Variants in BTNL8 observed in about 807,000 individuals in gnomAD.
The protein encoded by BTNL8 is butyrophilin like 8.
In BTNL8, 22 loss-of-function variants were observed where a neutral mutation model predicts 36.1. That is an observed-to-expected ratio of 0.61 (90% CI 0.44 to 0.87). The LOEUF (loss-of-function observed/expected upper bound fraction) is 0.87. Ranked by LOEUF, BTNL8 falls within the 40% of genes least tolerant of loss-of-function variation. The probability of loss-of-function intolerance (pLI) is 0.00; values close to 1 mark genes in which losing one functional copy is unlikely to be tolerated. For synonymous variants in BTNL8, 203 were observed against 235.6 expected, an observed-to-expected ratio of 0.86 and a Z score of 1.27; for missense variants, 526 against 616.9, an observed-to-expected ratio of 0.85 and a Z score of 1.56.
chr5:180,910,470 C>T (rs1024210966), intron 2 of BTNL8, among the ~76,000 whole-genome samples: 1 of 152,132 alleles, frequency 6.6e-6, no homozygotes, highest in African/African-American at 2.4e-5. Context: ...ATCAAATATC[C>T]CAGCTGACAA....
rs1214487792 is a variant in BTNL8, at chr5:180,949,908, G to C, written c.867G>C (p.Glu289Asp). Residue 289 changes from glutamate to aspartate, a missense_variant, in exon 8 of 8, where the codon GAG becomes GAC. Physicochemically the swap from Glu to Asp is conservative, Grantham distance 45 (BLOSUM62 2). Coordinates refer to ENST00000340184, the MANE Select transcript of BTNL8 (RefSeq NM_001040462.3). The stretch of plus-strand genomic sequence containing the variant: ...CTCTCCCCCACCGCACCCCAGTGGA[G>C]GTGACTCTGGATCCAGAGACGGCTC... ...ELRDARKHAV[E>D]VTLDPETAHP... 1 of 1,456,742 alleles carries C rather than the reference G, an allele frequency of 6.9e-7. No homozygotes were observed. The highest frequency in any genetic ancestry group is 9.5e-7 in the Non-Finnish European group (1 of 1,055,916). 90.2% of individuals were successfully genotyped at this position (1,456,742 alleles called of 1,614,324 possible).
At chr5:180,940,360 A>C (rs951605242) in intron 3 of BTNL8, among the ~76,000 whole-genome samples, 1 of 151,210 alleles carries the variant, frequency 6.6e-6, no homozygotes, top group African/African-American at 2.4e-5. Flanking sequence ...AAAAAAAAAG[A>C]AACACAAGAT....
rs543139738 is a variant in BTNL8, at chr5:180,916,025, C to T, written c.673+4411C>T. Among the ~76,000 whole-genome samples, 24 of 152,266 alleles carry T rather than the reference C, an allele frequency of 1.6e-4. No homozygotes were observed. In the South Asian group the frequency reaches 2.1e-3, roughly 13 times the overall value. ...AACAGAGGTTTATTTGGCTCATGGT[C>T]GTGGAGGCTGGGAAGTCTAAGATCA... On this transcript the variant is annotated intron_variant, in intron 3 of 7. Transcript: ENST00000340184.
chr5:180,924,347 C>T (rs1758000603), intron 3 of BTNL8, among the ~76,000 whole-genome samples: 1 of 152,224 alleles, frequency 6.6e-6, no homozygotes, highest in Non-Finnish European at 1.5e-5. Context: ...TCTGGCCCTG[C>T]CCACCCTGAG....
chr5:180,903,890 GT>G (rs1262439736), intron 1 of BTNL8, among the ~76,000 whole-genome samples: 1 of 132,782 alleles, frequency 7.5e-6, no homozygotes, highest in Non-Finnish European at 1.6e-5. Context: ...CTATATCTCT[GT>G]TTTGGTACCA....
Position 180,899,325 on chromosome 5 carries a change from C to T in BTNL8, c.15C>T (p.Leu5=). The change falls in exon 1 of 8, where the codon CTC becomes CTT. Residue 5 remains leucine (L), a synonymous_variant. Transcript: ENST00000340184. The stretch of plus-strand genomic sequence containing the variant: ...AGAACACATCCATGGCTCTCATGCT[C>T]AGTTTGGTTCTGAGTCTCCTCAAGC... MALM[L]SLVLSLLKLG... 2 of 1,614,212 alleles carry T rather than the reference C, an allele frequency of 1.2e-6. No homozygotes were observed. Among genetic ancestry groups the T allele is most frequent in the African/African-American group, 2.7e-5 (2 of 75,054 alleles).
intron 3 of BTNL8, among the ~76,000 whole-genome samples, chr5:180,918,415 T>G (rs1056874508): frequency 2.6e-5 from 4 of 152,234 alleles, no homozygotes; most frequent in Non-Finnish European, 5.9e-5. Flanking sequence ...AAATAATGTA[T>G]AATTATGTTA....
intron 3 of BTNL8, among the ~76,000 whole-genome samples, chr5:180,929,395 A>G (rs984770992): frequency 2.6e-5 from 4 of 152,024 alleles, no homozygotes; most frequent in African/African-American, 9.7e-5. Context: ...AACATCACAA[A>G]TAAAAGAACT....
chr5:180,943,009 A>T (rs1433638183), intron 3 of BTNL8, among the ~76,000 whole-genome samples: 1 of 152,118 alleles, frequency 6.6e-6, no homozygotes, highest in Non-Finnish European at 1.5e-5. Context: ...TAACTTACAG[A>T]ATGGGAGAAA....
Position 180,902,272 on chromosome 5 carries a change from A to T in BTNL8, c.49+2913A>T, listed in dbSNP as rs1352123078. ...GGAATCAAAGGGTCTACATTCAGAAAGAGACTTTTTCCTCTGGATAACATG... is the reference window on the plus strand; with the variant it reads ...GGAATCAAAGGGTCTACATTCAGAATGAGACTTTTTCCTCTGGATAACATG... On this transcript the variant is annotated intron_variant, in intron 1 of 7. Transcript: ENST00000340184. The T allele has an allele frequency of 4.4e-6, 6 of 1,371,370 alleles. No individual in the cohort carries two copies. The Admixed American group carries it at 1.2e-4, about 28-fold the overall frequency. 85.0% of individuals were successfully genotyped at this position (1,371,370 alleles called of 1,614,324 possible).
At chr5:180,937,633 T>G (rs1758720927) in intron 3 of BTNL8, among the ~76,000 whole-genome samples, 1 of 151,842 alleles carries the variant, frequency 6.6e-6, no homozygotes, top group Non-Finnish European at 1.5e-5. Context: ...AACTAACAGG[T>G]GGTTTATATA....
chr5:180,946,804 T>G (rs1005141670), intron 3 of BTNL8, among the ~76,000 whole-genome samples: 1 of 152,228 alleles, frequency 6.6e-6, no homozygotes, highest in Non-Finnish European at 1.5e-5. Context: ...ATGATGGATG[T>G]CTTAATTAGC....
chr5:180,944,506 T>C (rs1473542151), intron 3 of BTNL8, among the ~76,000 whole-genome samples: 1 of 148,270 alleles, frequency 6.7e-6, no homozygotes, highest in East Asian at 1.9e-4. Flanking sequence ...TAGTGGTTAC[T>C]AGAGGCTGGT....
At chr5:180,948,590 C>G in intron 5 of BTNL8, 1 of 1,222,746 alleles carries the variant, frequency 8.2e-7, no homozygotes, top group Middle Eastern at 2.7e-4. Flanking sequence ...CTGGAAGTCC[C>G]CACAAATTGT....
intron 4 of BTNL8, chr5:180,948,138 G>C (rs923838678): frequency 2.8e-6 from 2 of 721,592 alleles, no homozygotes; most frequent in African/African-American, 3.5e-5. Context: ...CATCCCAGCT[G>C]TTGTCCCTCT....
intron 1 of BTNL8, among the ~76,000 whole-genome samples, chr5:180,900,154 T>A (rs1490888327): frequency 1.3e-5 from 2 of 152,244 alleles, no homozygotes; most frequent in African/African-American, 4.8e-5. Context: ...CAGGAGACGC[T>A]CTCGTTTCAG....
intron 3 of BTNL8, among the ~76,000 whole-genome samples, chr5:180,934,357 C>T (rs752722400): frequency 4.6e-5 from 7 of 152,220 alleles, no homozygotes; most frequent in Non-Finnish European, 8.8e-5. Context: ...TTGGGTGTTG[C>T]TTTTCCTCTG....
In BTNL8 at chr5:180,947,535, T is replaced by C. The variant is rs1353616532; in HGVS notation, c.697T>C (p.Trp233Arg). Residue 233 changes from tryptophan to arginine, a missense_variant, in exon 4 of 8, where the codon TGG (tryptophan) becomes CGG (arginine). By Grantham distance (101) the Trp-to-Arg change is moderately radical (BLOSUM62 -3). This residue lies in a region of BTNL8 where 350 missense variants were observed against 324.6 expected (regional missense o/e 1.08). Coordinates refer to ENST00000340184, the MANE Select transcript of BTNL8 (RefSeq NM_001040462.3). ...AGATACCTTTTTCGAGCCTATATCG[T>C]GGCACCTGGCTACCAAAGTACTGGG... ...IGDTFFEPIS[W>R]HLATKVLGIL... 2.4e-5 allele frequency: 39 copies of C among 1,613,920 alleles called. No homozygotes were observed. The highest frequency in any genetic ancestry group is 3.2e-5 in the Non-Finnish European group (38 of 1,179,766).
At chr5:180,903,276 G>C (rs1222467250) in intron 1 of BTNL8, among the ~76,000 whole-genome samples, 1 of 118,586 alleles carries the variant, frequency 8.4e-6, no homozygotes, top group African/African-American at 4.3e-5. Flanking sequence ...GATGGCCAGT[G>C]ATGATGAACA....
Sources: allele counts gnomAD v4.1 joint callset (sites outside exome capture counted in the v4.1 genomes callset), GRCh38; gene constraint gnomAD v4.1.1; regional missense constraint gnomAD v4.1.1; transcripts MANE v1.5; gene names NCBI Gene and HGNC (gene_info 2026-07-23, HGNC 2026-07-21).